TLE4: variants seen among roughly 807,000 people sequenced by gnomAD.
The protein encoded by TLE4 is TLE family member 4, transcriptional corepressor, also known as transducin-like enhancer protein 4.
TLE4 carries 8 observed loss-of-function variants against 92.8 expected under a neutral mutation model. The observed-to-expected ratio is 0.09, with a 90% CI of 0.05 to 0.16. The LOEUF is 0.16. Among genes scored for constraint, TLE4 ranks in the 10% least tolerant of loss-of-function variants. TLE4 has a pLI of 1.00. For synonymous variants in TLE4, 371 were observed against 374.1 expected, an observed-to-expected ratio of 0.99 and a Z score of 0.10; for missense variants, 675 against 997.6, an observed-to-expected ratio of 0.68 and a Z score of 4.36.
At chr9:79,686,968 A>C (rs2065993160) in intron 8 of TLE4, among the ~76,000 whole-genome samples, 1 of 152,142 alleles carries the variant, frequency 6.6e-6, no homozygotes, top group South Asian at 2.1e-4. Context: ...AAGCTTTTAA[A>C]ATTTTGTCAT....
Position 79,723,011 on chromosome 9 carries a change from A to G in TLE4, c.2190A>G (p.Thr730=). The G allele has an allele frequency of 6.2e-7, 1 of 1,614,144 alleles. No individual in the cohort carries two copies. The highest frequency in any genetic ancestry group is 8.5e-7 in the Non-Finnish European group (1 of 1,180,024). The change falls in exon 19 of 20, where the codon ACA becomes ACG. Residue 730 remains threonine, a synonymous_variant. Coordinates refer to ENST00000376552, the MANE Select transcript of TLE4 (RefSeq NM_007005.6). The part of the protein sequence containing the change: ...GKDNLLNAWR[T]PYGASIFQSK... ...ACAACCTTCTGAATGCCTGGAGAACACCTTATGGGGCCAGTATATTCCAGG... is the reference window on the plus strand; with the variant it reads ...ACAACCTTCTGAATGCCTGGAGAACGCCTTATGGGGCCAGTATATTCCAGG...
At position 79,572,555 on chromosome 9, in the gene TLE4, C is replaced by T. The variant is rs1409082288; in HGVS notation, c.-236C>T. On this transcript the variant is annotated 5_prime_UTR_variant, in exon 1 of 20. Coordinates refer to ENST00000376552, the MANE Select transcript of TLE4 (RefSeq NM_007005.6). ...TGGGAGACGCGCGCCGGACAATGCCCGCGGCGGGCCAGTGACGCCCGCGGG... is the reference window on the plus strand; with the variant it reads ...TGGGAGACGCGCGCCGGACAATGCCTGCGGCGGGCCAGTGACGCCCGCGGG... The T allele has an allele frequency of 1.7e-5, 3 of 174,704 alleles. No individual in the cohort carries two copies. The highest frequency in any genetic ancestry group is 4.8e-5 in the African/African-American group (2 of 41,736). The allele number at this position is 174,704 out of a possible 1,614,324, so 10.8% of individuals were successfully genotyped here.
rs2072258691 is a variant in TLE4, at chr9:79,708,325, A to G, written c.1069+75A>G. ...TTTAAAGCAATTTAAGGAGTACAGT[A>G]CATTAAAAGTGCTAATGACCAGCAT... On this transcript the variant is annotated intron_variant, in intron 12 of 19. Transcript: ENST00000376552. 2.0e-6 allele frequency: 3 copies of G among 1,515,324 alleles called. No homozygotes were observed. The African/African-American group carries it at 4.2e-5, about 21-fold the overall frequency. The allele number at this position is 1,515,324 out of a possible 1,614,324, so 93.9% of individuals were successfully genotyped here. A position where few individuals can be genotyped will look rare whatever the true frequency, so the allele number is the denominator to read the frequency against.
In TLE4 at chr9:79,725,504, G is replaced by T; in HGVS notation, c.*360G>T. On this transcript the variant is annotated 3_prime_UTR_variant, in exon 20 of 20. Transcript: ENST00000376552. ...TGTCTGCTCCTGCATTGATAATGAAGGTGCGTTGTATTTGATACCCCTCCC... is the reference window on the plus strand; with the variant it reads ...TGTCTGCTCCTGCATTGATAATGAATGTGCGTTGTATTTGATACCCCTCCC... 1 of 168,394 alleles carries T rather than the reference G, an allele frequency of 5.9e-6. No individual in the cohort carries two copies. Among genetic ancestry groups the T allele is most frequent in the South Asian group, 1.5e-4 (1 of 6,778 alleles). The allele number at this position is 168,394 out of a possible 1,614,324, so 10.4% of individuals were successfully genotyped here.
At chr9:79,625,254 C>T (rs971322729) in intron 5 of TLE4, among the ~76,000 whole-genome samples, 2 of 151,612 alleles carry the variant, frequency 1.3e-5, no homozygotes, top group Non-Finnish European at 2.9e-5. Context: ...CTCCTGACCT[C>T]GTGATCCGCC....
intron 8 of TLE4, among the ~76,000 whole-genome samples, chr9:79,667,449 A>G (rs1334094769): frequency 6.6e-6 from 1 of 152,198 alleles, no homozygotes; most frequent in African/African-American, 2.4e-5. Context: ...TGTTAAATAA[A>G]TGTCAATAGT....
intron 1 of TLE4, among the ~76,000 whole-genome samples, chr9:79,573,084 C>T (rs1469800607): frequency 6.6e-6 from 1 of 152,028 alleles, no homozygotes; most frequent in Non-Finnish European, 1.5e-5. Context: ...CTGGAAGCCG[C>T]GCCGAGCCGT....
chr9:79,677,845 G>A (rs928983588), intron 8 of TLE4, among the ~76,000 whole-genome samples: 1 of 151,976 alleles, frequency 6.6e-6, no homozygotes, highest in Non-Finnish European at 1.5e-5. Context: ...AGAATCAGAA[G>A]TGGGTGGTGT....
At chr9:79,669,076 C>A (rs2061850175) in intron 8 of TLE4, among the ~76,000 whole-genome samples, 1 of 152,110 alleles carries the variant, frequency 6.6e-6, no homozygotes, top group South Asian at 2.1e-4. Context: ...CTATCACAAA[C>A]CAAAATATAA....
intron 4 of TLE4, among the ~76,000 whole-genome samples, chr9:79,599,381 G>T (rs1030723986): frequency 6.6e-6 from 1 of 152,238 alleles, no homozygotes; most frequent in Non-Finnish European, 1.5e-5. Flanking sequence ...CTGAAGCCAG[G>T]GTCCTGTCTT....
chr9:79,575,814 A>G (rs980621857), intron 3 of TLE4: 4 of 223,178 alleles, frequency 1.8e-5, no homozygotes, highest in African/African-American at 2.3e-5. Flanking sequence ...GTGCTTAGGA[A>G]TTAAGAGTCC....
chr9:79,714,320 A>G (rs992641056), intron 14 of TLE4, among the ~76,000 whole-genome samples: 2 of 152,156 alleles, frequency 1.3e-5, no homozygotes, highest in African/African-American at 4.8e-5. Flanking sequence ...CTTCCCTTTT[A>G]TAGCATTACA....
chr9:79,595,973 A>G (rs1461864947), intron 4 of TLE4, among the ~76,000 whole-genome samples: 1 of 151,528 alleles, frequency 6.6e-6, no homozygotes, highest in Non-Finnish European at 1.5e-5. Flanking sequence ...CAGCCTCCCA[A>G]GTAGCTGGGA....
chr9:79,601,720 A>G (rs1208403800), intron 4 of TLE4, among the ~76,000 whole-genome samples: 2 of 152,094 alleles, frequency 1.3e-5, no homozygotes, highest in African/African-American at 4.8e-5. Context: ...ATTCTCTGAG[A>G]CAACAGTATT....
rs974668578 is a variant in TLE4, at chr9:79,709,676, G to A, written c.1317G>A (p.Leu439=). The change falls in exon 14 of 20, where the codon CTG becomes CTA. Residue 439 remains leucine (L), a synonymous_variant. Transcript: ENST00000376552. ...GTGTGCCAGCAATACCTCCAAACCTGACAGGCATTCCAGGAGGAAAACCGT... is the reference window on the plus strand; with the variant it reads ...GTGTGCCAGCAATACCTCCAAACCTAACAGGCATTCCAGGAGGAAAACCGT... ...HMRVPAIPPN[L]TGIPGGKPAY... The A allele has an allele frequency of 1.2e-6, 2 of 1,613,922 alleles. No homozygotes were observed. Among genetic ancestry groups the A allele is most frequent in the African/African-American group, 2.7e-5 (2 of 74,916 alleles).
At chr9:79,678,246 G>A (rs1438766926) in intron 8 of TLE4, among the ~76,000 whole-genome samples, 1 of 151,964 alleles carries the variant, frequency 6.6e-6, no homozygotes, top group African/African-American at 2.4e-5. Context: ...CCATTCTTTT[G>A]TCATAATCCT....
chr9:79,704,959 A>G, intron 9 of TLE4, 57 bp downstream of exon 9: 2 of 1,605,598 alleles, frequency 1.2e-6, no homozygotes, highest in African/African-American at 1.3e-5. Flanking sequence ...ATCTGCAGCC[A>G]TTTTACCCTT....
At chr9:79,663,089 A>G (rs1320530785) in intron 8 of TLE4, among the ~76,000 whole-genome samples, 1 of 152,036 alleles carries the variant, frequency 6.6e-6, no homozygotes, top group Non-Finnish European at 1.5e-5. Context: ...AGGAGGGGAA[A>G]GTTAGTCTTG....
At chr9:79,635,648 C>G (rs1437502895) in intron 6 of TLE4, among the ~76,000 whole-genome samples, 1 of 151,282 alleles carries the variant, frequency 6.6e-6, no homozygotes, top group Admixed American at 6.6e-5. Context: ...TATCCTTTCT[C>G]CATTGATTTG....
Sources: gnomAD v4.1 joint callset for allele counts (sites outside exome capture counted in the v4.1 genomes callset) on GRCh38, gnomAD v4.1.1 for gene constraint, MANE v1.5 for transcripts, NCBI Gene and HGNC (gene_info 2026-07-23, HGNC 2026-07-21) for gene names.